The following QRICH1 variants were observed in gnomAD, a reference collection of about 807,000 sequenced individuals.
The protein encoded by QRICH1 is glutamine rich 1.
QRICH1 carries 16 observed loss-of-function variants against 87.1 expected under a neutral mutation model. The ratio of observed to expected loss-of-function variants is 0.18; its 90% CI spans 0.12 to 0.28. The LOEUF is 0.28. Ranked by LOEUF, QRICH1 falls within the 10% of genes least tolerant of loss-of-function variation. The probability of loss-of-function intolerance (pLI) is 1.00; values close to 1 mark genes in which losing one functional copy is unlikely to be tolerated. For synonymous variants in QRICH1, 367 were observed against 368.4 expected, an observed-to-expected ratio of 1.00 and a Z score of 0.05; for missense variants, 647 against 951.7, an observed-to-expected ratio of 0.68 and a Z score of 4.21.
intron 1 of QRICH1, chr3:49,086,791 G>C (rs1307697467): frequency 2.0e-5 from 3 of 152,036 alleles, no homozygotes; most frequent in Non-Finnish European, 2.9e-5. Flanking sequence ...TCTTATCCCT[G>C]ATACCTCTTT....
Position 49,044,423 on chromosome 3 carries a change from G to A in QRICH1, c.1753C>T (p.Leu585=). The A allele has an allele frequency of 6.2e-7, 1 of 1,613,544 alleles. No individual in the cohort carries two copies. The highest frequency in any genetic ancestry group is 2.2e-5 in the East Asian group (1 of 44,804). Residue 585 remains leucine (L), a synonymous_variant, in exon 6 of 10, where the codon CTG becomes TTG. Coordinates refer to ENST00000395443, the MANE Select transcript of QRICH1 (RefSeq NM_198880.3). ...GTGACCCGGGGCTGAACATCCTTCAGAACTTCATGTAGCCACTCCGTGAAC... is the reference window on the plus strand; with the variant it reads ...GTGACCCGGGGCTGAACATCCTTCAAAACTTCATGTAGCCACTCCGTGAAC... ...VRFTEWLHEV[L]KDVQPRVTPL... is the part of the protein sequence containing the mutation.
At chr3:49,031,446 G>T (rs532264756) in intron 9 of QRICH1, among the ~76,000 whole-genome samples, 1 of 152,088 alleles carries the variant, frequency 6.6e-6, no homozygotes, top group Admixed American at 6.6e-5. Flanking sequence ...TTATTCAAGG[G>T]TTACTAGTGC....
At chr3:49,031,454 T>TG (rs2093239063) in intron 9 of QRICH1, among the ~76,000 whole-genome samples, 1 of 152,142 alleles carries the variant, frequency 6.6e-6, no homozygotes, top group African/African-American at 2.4e-5. Context: ...GGGTTACTAG[T>TG]GCCAGGTCAG....
chr3:49,091,906 A>C (rs965432962), intron 1 of QRICH1, among the ~76,000 whole-genome samples: 1 of 152,106 alleles, frequency 6.6e-6, no homozygotes, highest in Non-Finnish European at 1.5e-5. Flanking sequence ...CCCCGTCTAT[A>C]CTACAAATAC....
intron 2 of QRICH1, among the ~76,000 whole-genome samples, chr3:49,071,817 C>G (rs2041835583): frequency 6.6e-6 from 1 of 152,140 alleles, no homozygotes; most frequent in Non-Finnish European, 1.5e-5. Flanking sequence ...TTCAGCCTCC[C>G]CAGTACCTGG....
intron 1 of QRICH1, among the ~76,000 whole-genome samples, chr3:49,088,408 C>A (rs1360866427): frequency 1.3e-5 from 2 of 152,048 alleles, no homozygotes; most frequent in Non-Finnish European, 2.9e-5. Context: ...GGTTCTCCTG[C>A]CTCAAGCCTC....
rs780361313 is a variant in QRICH1, at chr3:49,057,201, G to C, written c.999C>G (p.Pro333=). 1.2e-6 allele frequency: 2 copies of C among 1,614,204 alleles called. No individual in the cohort carries two copies. Among genetic ancestry groups the C allele is most frequent in the Non-Finnish European group, 1.7e-6 (2 of 1,180,034 alleles). The change falls in exon 3 of 10, where the codon CCC becomes CCG. Residue 333 remains proline (P), a synonymous_variant. Transcript: ENST00000395443. This position sits in a 1 kb window ranked among gnomAD's most constrained non-coding sequence, Gnocchi z 5.4. ...CGTGAACTGCGTTGTAGGCTTCCTG[G>C]GGAATGGCAATGTGGGTAATGCTCT... ...QQQSITHIAI[P]QEAYNAVHVS...
chr3:49,033,304 G>C (rs1325622759), intron 6 of QRICH1, 76 bp from the exon 7 acceptor site: 1 of 876,316 alleles, frequency 1.1e-6, no homozygotes, highest in African/African-American at 1.7e-5. Flanking sequence ...GATGTGTGAA[G>C]CATAAGGACC....
In QRICH1 at chr3:49,057,843, G is replaced by A. The variant is rs770659431; in HGVS notation, c.357C>T (p.Leu119=). ...GCTGGTGAACGGTGAGTTGTGGGGA[G>A]AGCTGAGCCGAGACCTGTTGCGGAG... The part of the protein sequence containing the change: ...QQSPQQVSAQ[L]SPQLTVHQPT... Residue 119 remains leucine (L), a synonymous_variant, in exon 3 of 10, where the codon CTC becomes CTT. Coordinates refer to ENST00000395443, the MANE Select transcript of QRICH1 (RefSeq NM_198880.3). This position sits in a 1 kb window ranked among gnomAD's most constrained non-coding sequence, Gnocchi z 5.4. 1 of 1,614,126 alleles carries A rather than the reference G, an allele frequency of 6.2e-7. No individual in the cohort carries two copies. The highest frequency in any genetic ancestry group is 1.7e-5 in the Admixed American group (1 of 59,996).
chr3:49,057,826 A>T lies in QRICH1; in HGVS notation c.374T>A (p.Val125Asp), dbSNP rs2093412102. Residue 125 changes from valine (V) to aspartate (D), a missense_variant, in exon 3 of 10, where the codon GTT becomes GAT. Val to Asp is a radical substitution (Grantham distance 152). This residue lies in a region of QRICH1 where 156 missense variants were observed against 164.5 expected (regional missense o/e 0.95). Coordinates refer to ENST00000395443, the MANE Select transcript of QRICH1 (RefSeq NM_198880.3). This position sits in a 1 kb window ranked among gnomAD's most constrained non-coding sequence, Gnocchi z 5.4. The part of the protein sequence containing the change: ...VSAQLSPQLT[V>D]HQPTEQPIQV... ...GATGGGTTGCTCAGTAGGCTGGTGA[A>T]CGGTGAGTTGTGGGGAGAGCTGAGC... 6.2e-7 allele frequency: 1 copy of T among 1,613,986 alleles called. No homozygotes were observed. The highest frequency in any genetic ancestry group is 1.7e-5 in the Admixed American group (1 of 59,948).
chr3:49,047,030 C>T (rs1489441388), intron 4 of QRICH1, 39 bp downstream of exon 4: 1 of 1,585,132 alleles, frequency 6.3e-7, no homozygotes. Context: ...AGTACCATTG[C>T]ATTTTAGACA....
chr3:49,039,332 G>A (rs530015473), intron 6 of QRICH1, among the ~76,000 whole-genome samples: 3 of 152,102 alleles, frequency 2.0e-5, no homozygotes, highest in Admixed American at 6.6e-5. Flanking sequence ...GCTCCAGCCT[G>A]GGCGACAGAG....
chr3:49,083,424 C>A (rs567135920), intron 1 of QRICH1: 1 of 151,936 alleles, frequency 6.6e-6, no homozygotes, highest in African/African-American at 2.4e-5. Context: ...GGTGAACCAC[C>A]CCAGGTTGGA....
intron 1 of QRICH1, among the ~76,000 whole-genome samples, chr3:49,078,502 C>A (rs1463723645): frequency 7.6e-6 from 1 of 131,828 alleles, no homozygotes; most frequent in Non-Finnish European, 1.5e-5. Context: ...TCACACCATT[C>A]TCCTGCCTCA....
At chr3:49,072,680 C>T (rs2041865341) in intron 2 of QRICH1, among the ~76,000 whole-genome samples, 1 of 152,100 alleles carries the variant, frequency 6.6e-6, no homozygotes. Flanking sequence ...CAAATTTAAA[C>T]CCAGTACTGA....
chr3:49,046,602 G>T (rs761377050), intron 4 of QRICH1, 23 bp from the exon 5 acceptor site: 2 of 1,611,040 alleles, frequency 1.2e-6, no homozygotes, highest in Admixed American at 1.7e-5. Flanking sequence ...CCTCAAAAAT[G>T]AATGAAGGTC....
intron 1 of QRICH1, among the ~76,000 whole-genome samples, chr3:49,078,941 C>T (rs185367791): frequency 6.6e-6 from 1 of 152,190 alleles, no homozygotes; most frequent in Admixed American, 6.6e-5. Context: ...ACCCTCCCGC[C>T]TCGGCCTCCC....
At chr3:49,034,230 C>A (rs1030470464) in intron 6 of QRICH1, among the ~76,000 whole-genome samples, 1 of 151,572 alleles carries the variant, frequency 6.6e-6, no homozygotes, top group Non-Finnish European at 1.5e-5. Flanking sequence ...ATTGTTTGAG[C>A]CCAAGAGTTG....
chr3:49,086,855 A>G (rs963018126), intron 1 of QRICH1: 2 of 152,204 alleles, frequency 1.3e-5, no homozygotes, highest in Non-Finnish European at 2.9e-5. Context: ...ATGGACTAAA[A>G]GAAGTCTGAA....
Sources: gnomAD v4.1 joint callset for allele counts (sites outside exome capture counted in the v4.1 genomes callset) on GRCh38, gnomAD v4.1.1 for gene constraint, gnomAD v4.1.1 regional missense constraint, Gnocchi (gnomAD v3.1) non-coding constraint, MANE v1.5 for transcripts, NCBI Gene and HGNC (gene_info 2026-07-23, HGNC 2026-07-21) for gene names.